ROBO2: variants seen among roughly 807,000 people sequenced by gnomAD.
ROBO2 encodes the protein roundabout guidance receptor 2.
In ROBO2, 53 loss-of-function variants were observed where a neutral mutation model predicts 160.8. That is an observed-to-expected ratio of 0.33 (90% CI 0.26 to 0.41). ROBO2 has a LOEUF of 0.41. ROBO2 is among the 10% of genes least tolerant of loss of function. The pLI, the probability that ROBO2 is intolerant of heterozygous loss-of-function variation, is 1.00. For synonymous variants in ROBO2, 664 were observed against 611.7 expected, an observed-to-expected ratio of 1.09 and a Z score of -1.26; for missense variants, 1,577 against 1,722.4, an observed-to-expected ratio of 0.92 and a Z score of 1.49.
chr3:77,155,032 T>C (rs2077879338), intron 2 of ROBO2, among the ~76,000 whole-genome samples: 1 of 151,706 alleles, frequency 6.6e-6, no homozygotes, highest in Non-Finnish European at 1.5e-5. Context: ...CAAAAATAAA[T>C]ATTCATTTTT....
intron 24 of ROBO2, 105 bp from the exon 26 acceptor site, chr3:77,642,566 T>G (rs576665621): frequency 8.3e-6 from 3 of 360,142 alleles, no homozygotes; most frequent in Admixed American, 7.5e-5. Context: ...ATTTTTTTTG[T>G]ATGGGTAATA....
At chr3:77,575,079 TA>T (rs1289765324) in intron 14 of ROBO2, among the ~76,000 whole-genome samples, 1 of 152,122 alleles carries the variant, frequency 6.6e-6, no homozygotes, top group South Asian at 2.1e-4. Flanking sequence ...TCATTGTGAC[TA>T]CTCTTCTTTT....
At chr3:77,216,879 A>T (rs989575093) in intron 2 of ROBO2, among the ~76,000 whole-genome samples, 33 of 152,140 alleles carry the variant, frequency 2.2e-4, no homozygotes, top group Non-Finnish European at 4.0e-4. Flanking sequence ...TACTGTATTT[A>T]AAAAAAATCA....
rs191650167 is a variant in ROBO2 at position 77,616,566 on chromosome 3, G to T, written c.3294-947G>T. Among the ~76,000 whole-genome samples, 16 of 152,246 alleles carry T rather than the reference G, an allele frequency of 1.1e-4. 1 individual carries two copies. The highest frequency in any genetic ancestry group is 2.6e-4 in the African/African-American group (11 of 41,570). On this transcript the variant is annotated intron_variant, in intron 21 of 25. Transcript: ENST00000461745. ...GTGATGTGTGATTGTGGGAGTGGGGGTGAAGTTTGGAGAAAGATTCACTAG... is the reference window on the plus strand; with the variant it reads ...GTGATGTGTGATTGTGGGAGTGGGGTTGAAGTTTGGAGAAAGATTCACTAG...
chr3:76,528,203 C>A (rs2082044225), intron 2 of ROBO2, among the ~76,000 whole-genome samples: 1 of 152,086 alleles, frequency 6.6e-6, no homozygotes, highest in Non-Finnish European at 1.5e-5. Context: ...TTTTACTGCA[C>A]AATTAATGAG....
intron 2 of ROBO2, among the ~76,000 whole-genome samples, chr3:76,709,239 T>C (rs2093237437): frequency 6.6e-6 from 1 of 152,154 alleles, no homozygotes; most frequent in Non-Finnish European, 1.5e-5. Flanking sequence ...CAGCTACCAT[T>C]CACACAACAT....
At chr3:76,948,900 A>G (rs1177697539) in intron 2 of ROBO2, among the ~76,000 whole-genome samples, 1 of 41,918 alleles carries the variant, frequency 2.4e-5, no homozygotes, top group Non-Finnish European at 3.9e-5. Flanking sequence ...ATATATATAT[A>G]TATATATATT....
At chr3:76,225,179 A>G (rs1354305462) in intron 2 of ROBO2, among the ~76,000 whole-genome samples, 1 of 152,168 alleles carries the variant, frequency 6.6e-6, no homozygotes, top group Non-Finnish European at 1.5e-5. Flanking sequence ...CTATAACAAA[A>G]ACAGTGGGGG....
At chr3:76,273,426 C>T (rs933183925) in intron 2 of ROBO2, among the ~76,000 whole-genome samples, 4 of 151,902 alleles carry the variant, frequency 2.6e-5, no homozygotes, top group Admixed American at 1.3e-4. Context: ...TTAGTCTGCT[C>T]TCACACTGCT....
intron 2 of ROBO2, among the ~76,000 whole-genome samples, chr3:76,650,405 C>T (rs1484638800): frequency 6.6e-6 from 1 of 151,998 alleles, no homozygotes; most frequent in African/African-American, 2.4e-5. Context: ...GTAGCATTCT[C>T]TGGCTTTGCT....
chr3:76,282,097 T>C (rs747118391), intron 2 of ROBO2, among the ~76,000 whole-genome samples: 1 of 152,014 alleles, frequency 6.6e-6, no homozygotes, highest in African/African-American at 2.4e-5. Context: ...AGATGAGTAT[T>C]ATAAAATCTT....
intron 2 of ROBO2, among the ~76,000 whole-genome samples, chr3:76,883,460 C>T (rs1378229243): frequency 6.6e-6 from 1 of 152,108 alleles, no homozygotes; most frequent in African/African-American, 2.4e-5. Context: ...GACTTGTTAT[C>T]TGGGTTCTTC....
chr3:77,218,594 G>C lies in ROBO2; in HGVS notation c.388+120254G>C, dbSNP rs150414189. On this transcript the variant is annotated intron_variant, in intron 2 of 25. Coordinates refer to ENST00000461745, the Ensembl canonical transcript of ROBO2. The stretch of plus-strand genomic sequence containing the variant: ...TTACCATCTTGGCCAGGCTGGTCTT[G>C]AACTCTTGACCTTTTGATCCACCCA... Among the ~76,000 whole-genome samples, 268 of 152,142 alleles carry C rather than the reference G, an allele frequency of 1.8e-3. 1 individual carries two copies. Among genetic ancestry groups the C allele is most frequent in the African/African-American group, 6.1e-3 (252 of 41,516 alleles).
chr3:77,383,278 C>A (rs898142146), intron 2 of ROBO2, among the ~76,000 whole-genome samples: 1 of 151,788 alleles, frequency 6.6e-6, no homozygotes, highest in Non-Finnish European at 1.5e-5. Context: ...AACTCAAAAG[C>A]CAAAGTTTAG....
chr3:77,602,315 G>A (rs1173034436), exon 20 of ROBO2: 5 of 1,614,134 alleles, frequency 3.1e-6, no homozygotes, highest in Non-Finnish European at 4.2e-6. Context: ...AGTTACAACA[G>A]TTCCAGCCAA....
At chr3:77,323,028 ATT>A (rs1491441737) in intron 2 of ROBO2, among the ~76,000 whole-genome samples, 69 of 3,096 alleles carry the variant, frequency 0.022, no homozygotes, top group African/African-American at 0.031. Context: ...AATATAATAT[ATT>A]ATATTATATT....
chr3:76,090,236 A>C (rs1448642527), intron 2 of ROBO2, among the ~76,000 whole-genome samples: 9 of 152,088 alleles, frequency 5.9e-5, no homozygotes, highest in African/African-American at 2.2e-4. Flanking sequence ...TGAGGCGGGC[A>C]GATCACCTGA....
Position 77,340,285 on chromosome 3 carries a change from G to A in ROBO2, c.389-137129G>A, listed in dbSNP as rs115730827. Among the ~76,000 whole-genome samples the A allele has an allele frequency of 9.2e-3, 1,402 of 152,186 alleles. 8 individuals are homozygous for A. The highest frequency in any genetic ancestry group is 0.015 in the Non-Finnish European group (1,043 of 67,962). On this transcript the variant is annotated intron_variant, in intron 2 of 25. Coordinates refer to ENST00000461745, the Ensembl canonical transcript of ROBO2. ...TGGTTTACTAGCAATAGAATTAGTAGTAATATGAACGTGAAAAGTCACTTT... is the reference window on the plus strand; with the variant it reads ...TGGTTTACTAGCAATAGAATTAGTAATAATATGAACGTGAAAAGTCACTTT...
intron 2 of ROBO2, among the ~76,000 whole-genome samples, chr3:76,038,173 A>T (rs185775368): frequency 7.2e-5 from 11 of 152,160 alleles, no homozygotes; most frequent in Admixed American, 3.9e-4. Flanking sequence ...GTAGAATTCT[A>T]CAAGTAGGTT....
Sources: gnomAD v4.1 joint callset for allele counts (sites outside exome capture counted in the v4.1 genomes callset) on GRCh38, gnomAD v4.1.1 for gene constraint, MANE v1.5 for transcripts, NCBI Gene and HGNC (gene_info 2026-07-23, HGNC 2026-07-21) for gene names.